The following ABCD2 variants were observed in gnomAD, a reference collection of about 807,000 sequenced individuals.
ABCD2 encodes ATP binding cassette subfamily D member 2, also known as ATP-binding cassette sub-family D member 2.
A neutral mutation model predicts 70.9 loss-of-function variants in ABCD2; 36 were observed. The observed-to-expected ratio is 0.51, with a 90% CI of 0.39 to 0.67. ABCD2 has a LOEUF of 0.67. ABCD2 is among the 30% of genes least tolerant of loss of function. The probability of loss-of-function intolerance (pLI) is 0.00; values close to 1 mark genes in which losing one functional copy is unlikely to be tolerated. For synonymous variants in ABCD2, 304 were observed against 306.9 expected, an observed-to-expected ratio of 0.99 and a Z score of 0.10; for missense variants, 729 against 890.2, an observed-to-expected ratio of 0.82 and a Z score of 2.30.
At chr12:39,554,690 CTCTT>C (rs767023235) in intron 9 of ABCD2, among the ~76,000 whole-genome samples, 3 of 152,242 alleles carry the variant, frequency 2.0e-5, no homozygotes, top group East Asian at 3.9e-4. Flanking sequence ...ATGATTTAAT[CTCTT>C]TCTTATGGCT....
chr12:39,559,605 A>G (rs952897072), intron 9 of ABCD2, among the ~76,000 whole-genome samples: 3 of 152,098 alleles, frequency 2.0e-5, no homozygotes, highest in South Asian at 4.1e-4. Flanking sequence ...CCAAAAACCA[A>G]AGACAAAGAG....
intron 9 of ABCD2, among the ~76,000 whole-genome samples, chr12:39,565,221 G>T (rs891444951): frequency 1.3e-5 from 2 of 152,236 alleles, no homozygotes; most frequent in Admixed American, 6.5e-5. Flanking sequence ...ACTTTGGGCA[G>T]TATGGCCATT....
At chr12:39,564,637 G>A (rs367607998) in intron 9 of ABCD2, among the ~76,000 whole-genome samples, 11 of 152,140 alleles carry the variant, frequency 7.2e-5, no homozygotes, top group Non-Finnish European at 1.5e-4. Flanking sequence ...AGTTTAATTA[G>A]ATCCCATTTG....
rs748531829 is a variant in ABCD2, at chr12:39,588,758, T to TA, written c.1647-2462dup. 6.4e-3 allele frequency among the ~76,000 whole-genome samples: 922 copies of TA among 143,300 alleles called. 4 individuals are homozygous for TA. The highest frequency in any genetic ancestry group is 7.6e-3 in the Non-Finnish European group (495 of 64,976). The allele number at this position is 143,300 out of a possible 152,430, so 94.0% of individuals were successfully genotyped here. A position where few individuals can be genotyped will look rare whatever the true frequency, so the allele number is the denominator to read the frequency against. On this transcript the variant is annotated intron_variant, in intron 6 of 9. Transcript: ENST00000308666. ...ACAAACCCAAATTGAGGTGTTCTCT[T>TA]AAAAAAAAAAAGCAATAGTCTGGCA...
At chr12:39,584,823 GT>G (rs1941644011) in intron 7 of ABCD2, among the ~76,000 whole-genome samples, 3 of 152,118 alleles carry the variant, frequency 2.0e-5, no homozygotes, top group African/African-American at 7.2e-5. Flanking sequence ...AGATTAGATG[GT>G]TGTAGATGTG....
Position 39,600,701 on chromosome 12 carries a change from G to T in ABCD2, c.1516C>A (p.His506Asn). Residue 506 changes from histidine to asparagine, a missense_variant, in exon 6 of 10, where the codon CAT (histidine) becomes AAT (asparagine). Around this residue, in one of 3 missense-constraint regions of ABCD2, gnomAD observed 289 missense variants for 328.8 expected, o/e 0.88. Transcript: ENST00000308666. The stretch of plus-strand genomic sequence containing the variant: ...CCATTGGGACCAGTTATCAAAAGAT[G>T]CATTCCTTCTTCTACCTAAAGTAAG... ...RLNFKVEEGM[H>N]LLITGPNGCG... The T allele has an allele frequency of 6.2e-7, 1 of 1,608,426 alleles. No homozygotes were observed. Among genetic ancestry groups the T allele is most frequent in the Non-Finnish European group, 8.5e-7 (1 of 1,177,928 alleles).
At chr12:39,590,196 A>G (rs1483861255) in intron 6 of ABCD2, among the ~76,000 whole-genome samples, 1 of 152,210 alleles carries the variant, frequency 6.6e-6, no homozygotes, top group Non-Finnish European at 1.5e-5. Flanking sequence ...ATAGATAAGC[A>G]CTCAAAGTAC....
chr12:39,604,826 A>G lies in ABCD2; in HGVS notation c.1341T>C (p.Ser447=). 2 of 1,612,496 alleles carry G rather than the reference A, an allele frequency of 1.2e-6. No individual in the cohort carries two copies. Among genetic ancestry groups the G allele is most frequent in the Non-Finnish European group, 1.7e-6 (2 of 1,179,180 alleles). ...TAGCTCCATTCTTGCTATGGCTTTC[A>G]GATTCTTGAATGACAGCAGTTCTCT... is the stretch of plus-strand genomic sequence containing the variant. ...IYKRTAVIQE[S]ESHSKNGAKV... Residue 447 remains serine (S), a synonymous_variant, in exon 4 of 10, where the codon TCT becomes TCC. Coordinates refer to ENST00000308666, the MANE Select transcript of ABCD2 (RefSeq NM_005164.4).
At chr12:39,576,416 C>T (rs772072524) in intron 8 of ABCD2, among the ~76,000 whole-genome samples, 1 of 152,122 alleles carries the variant, frequency 6.6e-6, no homozygotes, top group African/African-American at 2.4e-5. Context: ...GCCTCGCCCT[C>T]CCGAAGTGCT....
intron 6 of ABCD2, among the ~76,000 whole-genome samples, chr12:39,586,541 C>A (rs1941669159): frequency 6.6e-6 from 1 of 152,130 alleles, no homozygotes; most frequent in Non-Finnish European, 1.5e-5. Flanking sequence ...CTGACATTTT[C>A]TTTTTCTAAA....
chr12:39,578,609 T>C (rs1311849436), intron 8 of ABCD2, among the ~76,000 whole-genome samples: 2 of 151,636 alleles, frequency 1.3e-5, no homozygotes, highest in Admixed American at 1.3e-4. Context: ...AGAAGGGCTT[T>C]AATATTTCCT....
chr12:39,557,952 G>A (rs1023223080), intron 9 of ABCD2, among the ~76,000 whole-genome samples: 2 of 152,188 alleles, frequency 1.3e-5, no homozygotes, highest in Non-Finnish European at 2.9e-5. Context: ...CCCCACTGGG[G>A]CATTGCCTAG....
chr12:39,603,343 C>A (rs1235450394), intron 5 of ABCD2, among the ~76,000 whole-genome samples: 2 of 151,976 alleles, frequency 1.3e-5, no homozygotes, highest in African/African-American at 4.8e-5. Context: ...GTCAGAGAGT[C>A]AGGTTTATTA....
At chr12:39,546,995 CA>C (rs1941031500), downstream of ABCD2, among the ~76,000 whole-genome samples, 1 of 151,860 alleles carries the variant, frequency 6.6e-6, no homozygotes, top group South Asian at 2.1e-4. Flanking sequence ...TACCATGAAA[CA>C]AGTTTTAATT....
chr12:39,589,665 G>A (rs1941718333), intron 6 of ABCD2, among the ~76,000 whole-genome samples: 1 of 152,020 alleles, frequency 6.6e-6, no homozygotes, highest in South Asian at 2.1e-4. Context: ...GGGATTACAG[G>A]TGTGAGCCAC....
intron 9 of ABCD2, among the ~76,000 whole-genome samples, chr12:39,563,189 G>A (rs920590123): frequency 4.6e-5 from 7 of 152,090 alleles, no homozygotes; most frequent in African/African-American, 1.2e-4. Flanking sequence ...TATGTGACAA[G>A]CCCACAGCTA....
At chr12:39,594,604 A>G (rs1054695455) in intron 6 of ABCD2, among the ~76,000 whole-genome samples, 6 of 152,226 alleles carry the variant, frequency 3.9e-5, no homozygotes, top group African/African-American at 1.4e-4. Context: ...AAGATACCAA[A>G]GAAAACATAA....
intron 1 of ABCD2, among the ~76,000 whole-genome samples, chr12:39,618,192 A>C (rs897167261): frequency 2.6e-5 from 4 of 152,164 alleles, no homozygotes; most frequent in Admixed American, 1.3e-4. Flanking sequence ...GACATGCAAA[A>C]TTGTTAAAAA....
At chr12:39,579,388 T>G in intron 8 of ABCD2, 147 bp downstream of exon 8, 2 of 588,676 alleles carry the variant, frequency 3.4e-6, no homozygotes, top group South Asian at 2.6e-5. Flanking sequence ...AAAAACCAAC[T>G]GTGAACTCTA....
Sources: allele counts gnomAD v4.1 joint callset (sites outside exome capture counted in the v4.1 genomes callset), GRCh38; gene constraint gnomAD v4.1.1; regional missense constraint gnomAD v4.1.1; transcripts MANE v1.5; gene names NCBI Gene and HGNC (gene_info 2026-07-23, HGNC 2026-07-21).